The following TRAPPC9 variants were observed in gnomAD, a reference collection of about 807,000 sequenced individuals.
TRAPPC9 encodes the protein trafficking protein particle complex subunit 9.
Under a neutral mutation model 124.0 loss-of-function variants are expected in TRAPPC9, and 83 were observed. The ratio of observed to expected loss-of-function variants is 0.67; its 90% confidence interval spans 0.56 to 0.80. TRAPPC9 has a LOEUF of 0.80. Ranked by LOEUF, TRAPPC9 falls within the 30% of genes least tolerant of loss-of-function variation. The pLI is 0.00. For synonymous variants in TRAPPC9, 638 were observed against 617.5 expected (o/e 1.03, Z -0.49); for missense variants, 1,302 against 1,508.3 (o/e 0.86, Z 2.27).
intron 1 of TRAPPC9, chr8:140,456,866 C>T (rs2071685162): frequency 2.0e-6 from 2 of 984,462 alleles, no homozygotes; most frequent in Non-Finnish European, 1.2e-6. Context: ...AGACAGACAA[C>T]GCATCCTAAC....
intron 11 of TRAPPC9, among the ~76,000 whole-genome samples, chr8:140,294,118 C>A (rs1256376064): frequency 6.6e-6 from 1 of 152,082 alleles, no homozygotes; most frequent in Non-Finnish European, 1.5e-5. Flanking sequence ...GAACTCCAGT[C>A]TGTCTCCAAA....
intron 9 of TRAPPC9, among the ~76,000 whole-genome samples, chr8:140,321,092 C>T (rs1335492003): frequency 6.6e-5 from 10 of 152,238 alleles, no homozygotes; most frequent in East Asian, 1.9e-4. Context: ...AAGGGAAGCT[C>T]GCTGAGAGGA....
intron 19 of TRAPPC9, among the ~76,000 whole-genome samples, chr8:139,980,452 T>G (rs1337758329): frequency 1.3e-5 from 2 of 152,180 alleles, no homozygotes; most frequent in East Asian, 3.9e-4. Context: ...AGTCCCGGAA[T>G]GCCTGCCCTG....
At chr8:140,401,481 T>C (rs77460134) in intron 6 of TRAPPC9, among the ~76,000 whole-genome samples, 19 of 152,340 alleles carry the variant, frequency 1.2e-4, no homozygotes, top group African/African-American at 4.1e-4. Flanking sequence ...CTTGATTCTA[T>C]GGAAATGCCA....
chr8:140,240,369 C>T (rs532774195), intron 16 of TRAPPC9, among the ~76,000 whole-genome samples: 2 of 152,222 alleles, frequency 1.3e-5, no homozygotes, highest in East Asian at 1.9e-4. Flanking sequence ...GCAGGGGCTC[C>T]GAGGGGAGGA....
intron 9 of TRAPPC9, among the ~76,000 whole-genome samples, chr8:140,329,667 T>C (rs2066844046): frequency 6.6e-6 from 1 of 152,232 alleles, no homozygotes; most frequent in African/African-American, 2.4e-5. Context: ...AATCTATTGC[T>C]CTTTCTACCA....
In TRAPPC9 at chr8:139,964,081, G is replaced by A. The variant is rs578022866; in HGVS notation, c.2810+24645C>T. 1.1e-4 allele frequency among the ~76,000 whole-genome samples: 17 copies of A among 152,058 alleles called. 1 individual carries two copies. Among genetic ancestry groups the A allele is most frequent in the Admixed American group, 3.3e-4 (5 of 15,272 alleles). On this transcript the variant is annotated intron_variant, in intron 19 of 22. Transcript: ENST00000438773. ...GTACTAAAAATACAAAAAATTAGCC[G>A]GGCGTGGTGGCGGGCACCTGTAGTC...
Position 140,451,033 on chromosome 8 carries a change from C to G in TRAPPC9, c.341G>C (p.Arg114Pro), listed in dbSNP as rs760961676. ...CCCCTGCAGCCCGAAGACAAAGAGCCGGGAGTCATACAGTGTGGAGCCGTA... is the reference window on the plus strand; with the variant it reads ...CCCCTGCAGCCCGAAGACAAAGAGCGGGGAGTCATACAGTGTGGAGCCGTA... Reference protein sequence around the residue: ...EIYGSTLYDSRLFVFGLQGEI... With the variant: ...EIYGSTLYDSPLFVFGLQGEI... The change falls in exon 2 of 23, where the codon CGG becomes CCG. Residue 114 changes from arginine to proline, a missense_variant. Physicochemically the swap from Arg to Pro is moderately radical, Grantham distance 103. Transcript: ENST00000438773. The G allele has an allele frequency of 6.2e-7, 1 of 1,613,932 alleles. No individual in the cohort carries two copies. The highest frequency in any genetic ancestry group is 8.5e-7 in the Non-Finnish European group (1 of 1,180,020).
chr8:140,414,853 T>A (rs1388225551), intron 5 of TRAPPC9, among the ~76,000 whole-genome samples: 1 of 152,088 alleles, frequency 6.6e-6, no homozygotes. Flanking sequence ...GCAATTCTCC[T>A]GCCTCAGCCT....
chr8:140,206,699 C>G (rs994173660), intron 17 of TRAPPC9, among the ~76,000 whole-genome samples: 1 of 151,818 alleles, frequency 6.6e-6, no homozygotes, highest in Non-Finnish European at 1.5e-5. Flanking sequence ...TATGGCCCTA[C>G]TTCAACAATA....
intron 17 of TRAPPC9, among the ~76,000 whole-genome samples, chr8:140,042,750 T>A (rs1177597453): frequency 6.6e-6 from 1 of 152,252 alleles, no homozygotes; most frequent in African/African-American, 2.4e-5. Flanking sequence ...GGGCTGCTCC[T>A]GAGTCAATTT....
intron 17 of TRAPPC9, among the ~76,000 whole-genome samples, chr8:140,128,200 C>T (rs1014556192): frequency 6.6e-6 from 1 of 152,210 alleles, no homozygotes; most frequent in Non-Finnish European, 1.5e-5. Flanking sequence ...ATTCAGATCA[C>T]CATAGAACAG....
chr8:139,977,838 G>A lies in TRAPPC9; in HGVS notation c.2810+10888C>T, dbSNP rs1019422136. On this transcript the variant is annotated intron_variant, in intron 19 of 22. Coordinates refer to ENST00000438773, the MANE Select transcript of TRAPPC9 (RefSeq NM_001160372.4). ...TGAGATTACAGGTGTGTGCCACCAC[G>A]CCCGGCTAATTTTTGTATCTTTAGT... 5.3e-5 allele frequency among the ~76,000 whole-genome samples: 8 copies of A among 151,654 alleles called. No individual in the cohort carries two copies. The East Asian group carries it at 7.9e-4, about 15-fold the overall frequency.
chr8:140,405,589 G>A lies in TRAPPC9; in HGVS notation c.996C>T (p.Ser332=). 6.2e-7 allele frequency: 1 copy of A among 1,614,120 alleles called. No individual in the cohort carries two copies. Among genetic ancestry groups the A allele is most frequent in the Non-Finnish European group, 8.5e-7 (1 of 1,180,014 alleles). ...DIIDKYKEAI[S]YYSKYKNAGV... Reference sequence around the variant, plus strand: ...GCCATAAAATCACCTTGCTGTAATAGGAAATCGCCTCTTTATACTTGTCAA... The same window carrying A: ...GCCATAAAATCACCTTGCTGTAATAAGAAATCGCCTCTTTATACTTGTCAA... Residue 332 remains serine, a synonymous_variant, in exon 6 of 23, where the codon TCC becomes TCT. Transcript: ENST00000438773.
At chr8:140,118,802 T>A (rs2060934801) in intron 17 of TRAPPC9, among the ~76,000 whole-genome samples, 1 of 152,128 alleles carries the variant, frequency 6.6e-6, no homozygotes, top group African/African-American at 2.4e-5. Context: ...ACAGAGCAAG[T>A]GACAGCACTT....
chr8:140,072,304 C>T (rs531400337), intron 17 of TRAPPC9, among the ~76,000 whole-genome samples: 88 of 152,218 alleles, frequency 5.8e-4, no homozygotes, highest in African/African-American at 1.9e-3. Context: ...GAGGCTAAGG[C>T]GGGCAGCTCA....
intron 16 of TRAPPC9, among the ~76,000 whole-genome samples, chr8:140,223,705 T>C (rs1022259122): frequency 1.3e-5 from 2 of 151,634 alleles, no homozygotes; most frequent in African/African-American, 2.4e-5. Flanking sequence ...TGCAAAAATA[T>C]GCAATTAACC....
rs1213130618 is a variant in TRAPPC9 at position 139,728,591 on chromosome 8, C to A, written c.*2470G>T. Among the ~76,000 whole-genome samples, 1 of 152,198 alleles carries A rather than the reference C, an allele frequency of 6.6e-6. No homozygotes were observed. Among genetic ancestry groups the A allele is most frequent in the African/African-American group, 2.4e-5 (1 of 41,452 alleles). ...GCCACAGAAATGCCAGCAAACAACA[C>A]CCCTGGCTCCCCACATCCCACGGTA... On this transcript the variant is annotated 3_prime_UTR_variant, in exon 23 of 23. Transcript: ENST00000438773.
chr8:140,383,534 G>T (rs933317572), intron 7 of TRAPPC9, among the ~76,000 whole-genome samples: 1 of 152,176 alleles, frequency 6.6e-6, no homozygotes, highest in African/African-American at 2.4e-5. Flanking sequence ...TTCAGTAGCC[G>T]ATTCGATCAA....
Sources: gnomAD v4.1 joint callset for allele counts (sites outside exome capture counted in the v4.1 genomes callset) on GRCh38, gnomAD v4.1.1 for gene constraint, MANE v1.5 for transcripts, NCBI Gene and HGNC (gene_info 2026-07-23, HGNC 2026-07-21) for gene names.